The following DNAJC24 variants were observed in gnomAD, a reference collection of about 807,000 sequenced individuals.
DNAJC24 encodes the protein dnaJ homolog subfamily C member 24.
Under a neutral mutation model 18.0 loss-of-function variants are expected in DNAJC24, and 17 were observed. The observed-to-expected ratio is 0.94, with a 90% CI of 0.65 to 1.42. DNAJC24 has a LOEUF of 1.42. DNAJC24 is among the 40% of genes most tolerant of loss of function. DNAJC24 has a pLI of 0.00. For missense variants in DNAJC24, 158 were observed against 175.6 expected (o/e 0.90, Z 0.57); for synonymous variants, 55 against 57.7 (o/e 0.95, Z 0.21).
chr11:31,411,710 T>C lies in DNAJC24; in HGVS notation c.112-3101T>C, dbSNP rs1292047048. Among the ~76,000 whole-genome samples the C allele has an allele frequency of 5.3e-5, 8 of 152,334 alleles. No individual in the cohort carries two copies. The East Asian group carries it at 1.5e-3, about 29-fold the overall frequency. ...TTCTTCTAAGAACACTTTGAATACA[T>C]TTAGAGCCCAACCAGATAATCCAGC... On this transcript the variant is annotated intron_variant, in intron 2 of 4. Transcript: ENST00000465995.
At chr11:31,384,561 G>A (rs1952409274) in intron 2 of DNAJC24, 1 of 152,358 alleles carries the variant, frequency 6.6e-6, no homozygotes, top group Non-Finnish European at 1.5e-5. Context: ...ATGAGTTGCA[G>A]TACGGTTCTC....
intron 2 of DNAJC24, among the ~76,000 whole-genome samples, chr11:31,383,444 A>G (rs1288166453): frequency 1.8e-4 from 27 of 152,174 alleles, no homozygotes; most frequent in Admixed American, 1.5e-3. Flanking sequence ...GACCAAATAC[A>G]TGTATTTCTC....
intron 2 of DNAJC24, among the ~76,000 whole-genome samples, chr11:31,397,849 G>C (rs1313830263): frequency 6.7e-6 from 1 of 149,094 alleles, no homozygotes; most frequent in Non-Finnish European, 1.5e-5. Flanking sequence ...GTCTTGCTCT[G>C]TTGCCCAGGC....
intron 3 of DNAJC24, among the ~76,000 whole-genome samples, chr11:31,425,601 A>G (rs560426794): frequency 3.9e-5 from 6 of 152,184 alleles, no homozygotes; most frequent in Non-Finnish European, 8.8e-5. Context: ...GTGCGTGTGG[A>G]AAGAGATCAC....
intron 3 of DNAJC24, among the ~76,000 whole-genome samples, chr11:31,423,931 C>T (rs1391378985): frequency 6.6e-6 from 1 of 152,064 alleles, no homozygotes; most frequent in East Asian, 1.9e-4. Context: ...GGTGGCTACT[C>T]TAAAGTTCCT....
At chr11:31,416,854 G>A (rs574127249) in intron 3 of DNAJC24, 2 of 152,224 alleles carry the variant, frequency 1.3e-5, no homozygotes, top group Admixed American at 1.3e-4. Context: ...CTTTTTCATT[G>A]TCTTCGAAAG....
intron 4 of DNAJC24, chr11:31,429,508 A>T (rs1952898699): frequency 2.5e-6 from 1 of 395,824 alleles, no homozygotes; most frequent in Non-Finnish European, 5.4e-6. Flanking sequence ...AGTAAAATGG[A>T]ATGACCAATG....
At chr11:31,396,431 A>G (rs1952543294) in intron 2 of DNAJC24, 2 of 353,238 alleles carry the variant, frequency 5.7e-6, no homozygotes, top group South Asian at 4.7e-5. Flanking sequence ...AATTTTTATA[A>G]GATTCTTAGA....
intron 4 of DNAJC24, chr11:31,427,844 G>A (rs977305822): frequency 2.7e-5 from 4 of 150,658 alleles, no homozygotes; most frequent in African/African-American, 7.3e-5. Flanking sequence ...ATGAGAATAC[G>A]GGCTGGAAGC....
At chr11:31,392,836 A>G (rs565934276) in intron 2 of DNAJC24, among the ~76,000 whole-genome samples, 1 of 151,178 alleles carries the variant, frequency 6.6e-6, no homozygotes, top group Non-Finnish European at 1.5e-5. Flanking sequence ...CAGCCTCCCG[A>G]CGGGGTTTCA....
chr11:31,380,262 G>T (rs533854581), intron 2 of DNAJC24, among the ~76,000 whole-genome samples: 1 of 152,292 alleles, frequency 6.6e-6, no homozygotes, highest in East Asian at 1.9e-4. Flanking sequence ...AGAGATTGAG[G>T]ATGTGGAAGA....
chr11:31,406,611 C>T (rs1228071003), intron 2 of DNAJC24, among the ~76,000 whole-genome samples: 6 of 152,094 alleles, frequency 3.9e-5, no homozygotes, highest in African/African-American at 1.4e-4. Flanking sequence ...CACTGTAATT[C>T]ACTATGCATT....
intron 2 of DNAJC24, among the ~76,000 whole-genome samples, chr11:31,394,155 C>T: frequency 6.6e-6 from 1 of 152,136 alleles, no homozygotes; most frequent in East Asian, 1.9e-4. Context: ...GGAACACTAA[C>T]CAACACTTAC....
chr11:31,430,360 G>A lies in DNAJC24; in HGVS notation c.409G>A (p.Asp137Asn). 1 of 1,609,052 alleles carries A rather than the reference G, an allele frequency of 6.2e-7. No individual in the cohort carries two copies. Among genetic ancestry groups the A allele is most frequent in the Non-Finnish European group, 8.5e-7 (1 of 1,176,668 alleles). ...EAEEVSLISCDTCSLIIELLH... is the reference protein window; with the variant it reads ...EAEEVSLISCNTCSLIIELLH... ...GGAAGAAGTTAGCCTGATTTCTTGT[G>A]ATACATGTTCACTAATTATAGAACT... The change falls in exon 5 of 5, where the codon GAT (aspartate) becomes AAT (asparagine). Residue 137 changes from aspartate (D) to asparagine (N), a missense_variant. Physicochemically the swap from Asp to Asn is conservative, Grantham distance 23. Transcript: ENST00000465995.
chr11:31,382,024 G>C (rs1269205642), intron 2 of DNAJC24, among the ~76,000 whole-genome samples: 1 of 152,176 alleles, frequency 6.6e-6, no homozygotes, highest in Non-Finnish European at 1.5e-5. Flanking sequence ...GGTGTCTTTA[G>C]TAATTCATTC....
intron 2 of DNAJC24, among the ~76,000 whole-genome samples, chr11:31,383,161 A>T (rs1348185429): frequency 6.6e-6 from 1 of 151,792 alleles, no homozygotes; most frequent in Non-Finnish European, 1.5e-5. Context: ...ATCCGTTTTA[A>T]TGAGGGCTTT....
intron 3 of DNAJC24, among the ~76,000 whole-genome samples, chr11:31,421,017 A>T (rs1952798857): frequency 2.0e-5 from 3 of 152,150 alleles, no homozygotes; most frequent in African/African-American, 7.2e-5. Context: ...ATCAGGTTCC[A>T]AGTTTGTAGT....
At chr11:31,413,546 A>G (rs1020583808) in intron 2 of DNAJC24, among the ~76,000 whole-genome samples, 5 of 151,800 alleles carry the variant, frequency 3.3e-5, no homozygotes, top group Non-Finnish European at 7.4e-5. Context: ...GTTAGCCAGG[A>G]TGGTCTCGAT....
chr11:31,382,707 G>A (rs890673689), intron 2 of DNAJC24, among the ~76,000 whole-genome samples: 5 of 152,110 alleles, frequency 3.3e-5, no homozygotes, highest in African/African-American at 1.2e-4. Context: ...CTGTAGGATT[G>A]TGCATGGTTT....
Sources: allele counts gnomAD v4.1 joint callset (sites outside exome capture counted in the v4.1 genomes callset), GRCh38; gene constraint gnomAD v4.1.1; transcripts MANE v1.5; gene names NCBI Gene and HGNC (gene_info 2026-07-23, HGNC 2026-07-21).